Variants in TRAPPC9 observed in about 807,000 individuals in gnomAD.
The protein encoded by TRAPPC9 is trafficking protein particle complex subunit 9, also known as IKK2 binding protein.
A neutral mutation model predicts 124.0 loss-of-function variants in TRAPPC9; 83 were observed. That is an observed-to-expected ratio of 0.67 (90% confidence interval 0.56 to 0.80). The LOEUF is 0.80. TRAPPC9 is among the 30% of genes least tolerant of loss of function. TRAPPC9 has a pLI of 0.00. For missense variants in TRAPPC9, 1,302 were observed against 1,508.3 expected (o/e 0.86, Z 2.27); for synonymous variants, 638 against 617.5 (o/e 1.03, Z -0.49).
rs201224878 is a variant in TRAPPC9 at position 140,405,648 on chromosome 8, G to A, written c.937C>T (p.Arg313Cys). ...TCAGGGCTAAGGCAGTTCTTAGCAC[G>A]TCCGATCTCAGTACTGGTGTCAGGG... ...INPDTSTEIGRAKNCLSPEDI... is the reference protein window; with the variant it reads ...INPDTSTEIGCAKNCLSPEDI... Residue 313 changes from arginine to cysteine, a missense_variant, in exon 6 of 23, where the codon CGT becomes TGT. Physicochemically the swap from Arg to Cys is radical, Grantham distance 180. Transcript: ENST00000438773. The A allele has an allele frequency of 2.4e-5, 38 of 1,613,952 alleles. No individual in the cohort carries two copies. Among genetic ancestry groups the A allele is most frequent in the Admixed American group, 6.7e-5 (4 of 60,008 alleles).
chr8:139,767,970 C>A (rs919442956), intron 21 of TRAPPC9, among the ~76,000 whole-genome samples: 10 of 152,326 alleles, frequency 6.6e-5, no homozygotes, highest in African/African-American at 1.9e-4. Context: ...TATACAGACC[C>A]TTTGACTCAG....
intron 15 of TRAPPC9, among the ~76,000 whole-genome samples, chr8:140,271,306 A>G (rs1193832876): frequency 2.6e-5 from 4 of 152,228 alleles, no homozygotes; most frequent in Non-Finnish European, 1.5e-5. Flanking sequence ...AAGACTATAC[A>G]AAGTTTTTAA....
chr8:140,341,554 C>T lies in TRAPPC9; in HGVS notation c.1495+18496G>A, dbSNP rs111395158. The stretch of plus-strand genomic sequence containing the variant: ...TTTTGTTCTCTGGAATGGATAGCTT[C>T]AGTTTGCATCAAAGGCTGTTCTCCT... On this transcript the variant is annotated intron_variant, in intron 9 of 22. Coordinates refer to ENST00000438773, the MANE Select transcript of TRAPPC9 (RefSeq NM_001160372.4). Among the ~76,000 whole-genome samples, 231 of 152,268 alleles carry T rather than the reference C, an allele frequency of 1.5e-3. 1 individual carries two copies. The highest frequency in any genetic ancestry group is 5.4e-3 in the African/African-American group (223 of 41,550).
intron 15 of TRAPPC9, among the ~76,000 whole-genome samples, chr8:140,267,570 T>C (rs1454443064): frequency 6.6e-6 from 1 of 152,146 alleles, no homozygotes; most frequent in Non-Finnish European, 1.5e-5. Flanking sequence ...TTACACTTGG[T>C]GTGATTATTT....
At chr8:140,300,099 T>A (rs1330265862) in intron 11 of TRAPPC9, among the ~76,000 whole-genome samples, 2 of 152,216 alleles carry the variant, frequency 1.3e-5, no homozygotes, top group African/African-American at 4.8e-5. Flanking sequence ...ATAAATTTTT[T>A]AAAATCACAT....
intron 16 of TRAPPC9, among the ~76,000 whole-genome samples, chr8:140,231,486 T>C (rs1484830141): frequency 1.8e-5 from 2 of 114,048 alleles, no homozygotes; most frequent in African/African-American, 3.3e-5. Context: ...CTTTTCTTTT[T>C]TTTTTTTTTT....
intron 9 of TRAPPC9, among the ~76,000 whole-genome samples, chr8:140,356,965 A>G (rs960985201): frequency 6.6e-6 from 1 of 152,130 alleles, no homozygotes; most frequent in Non-Finnish European, 1.5e-5. Flanking sequence ...ACTTCCCCAT[A>G]AGCAATCACG....
At chr8:140,289,893 G>T (rs1030389068) in intron 12 of TRAPPC9, among the ~76,000 whole-genome samples, 1 of 152,196 alleles carries the variant, frequency 6.6e-6, no homozygotes, top group Admixed American at 6.5e-5. Flanking sequence ...TGAACATCCA[G>T]CTGAGCTTCC....
chr8:140,284,048 T>C, intron 13 of TRAPPC9, 27 bp from the exon 14 acceptor site: 1 of 1,613,566 alleles, frequency 6.2e-7, no homozygotes, highest in Non-Finnish European at 8.5e-7. Flanking sequence ...ACTTCTTCAC[T>C]CCACTGGCAA....
At chr8:140,213,793 T>G (rs1411578571) in intron 17 of TRAPPC9, among the ~76,000 whole-genome samples, 3 of 152,218 alleles carry the variant, frequency 2.0e-5, no homozygotes, top group Non-Finnish European at 4.4e-5. Flanking sequence ...CAAACTAGTT[T>G]CGTTAGGATT....
At chr8:139,943,878 G>A (rs1470119643) in intron 19 of TRAPPC9, among the ~76,000 whole-genome samples, 1 of 152,036 alleles carries the variant, frequency 6.6e-6, no homozygotes, top group Non-Finnish European at 1.5e-5. Flanking sequence ...AATGAAACAT[G>A]AGCAGCTAGG....
intron 19 of TRAPPC9, among the ~76,000 whole-genome samples, chr8:139,927,221 A>G (rs185380017): frequency 6.6e-6 from 1 of 151,964 alleles, no homozygotes; most frequent in East Asian, 1.9e-4. Context: ...TGATGGGAGC[A>G]TGCAAGGGAA....
intron 11 of TRAPPC9, among the ~76,000 whole-genome samples, chr8:140,298,045 C>T (rs2065863290): frequency 6.6e-6 from 1 of 152,148 alleles, no homozygotes; most frequent in Admixed American, 6.6e-5. Context: ...AAGTTTGTTT[C>T]CTCATCTGTA....
At chr8:140,237,837 A>T (rs530752466) in intron 16 of TRAPPC9, among the ~76,000 whole-genome samples, 1 of 152,264 alleles carries the variant, frequency 6.6e-6, no homozygotes, top group East Asian at 1.9e-4. Context: ...AAGGGGACAA[A>T]ATTAGCAGCC....
At chr8:139,819,041 G>A (rs1030643638) in intron 21 of TRAPPC9, among the ~76,000 whole-genome samples, 1 of 152,166 alleles carries the variant, frequency 6.6e-6, no homozygotes, top group Non-Finnish European at 1.5e-5. Flanking sequence ...GGAGGTGAGC[G>A]GCGGGTGAAG....
chr8:139,958,177 G>A (rs1277338627), intron 19 of TRAPPC9, among the ~76,000 whole-genome samples: 1 of 152,216 alleles, frequency 6.6e-6, no homozygotes, highest in Non-Finnish European at 1.5e-5. Context: ...AGGAGGGAAG[G>A]AAAGTGGCCG....
intron 17 of TRAPPC9, among the ~76,000 whole-genome samples, chr8:140,101,607 A>G (rs754523459): frequency 4.3e-5 from 6 of 138,542 alleles, no homozygotes; most frequent in African/African-American, 8.3e-5. Flanking sequence ...CAATGGTGCA[A>G]TCTCGGCTCA....
chr8:140,274,281 C>T (rs2065048562), intron 15 of TRAPPC9, among the ~76,000 whole-genome samples: 1 of 152,100 alleles, frequency 6.6e-6, no homozygotes. Context: ...TGAGTGTGCA[C>T]CAACAAGCTA....
intron 17 of TRAPPC9, among the ~76,000 whole-genome samples, chr8:140,187,355 C>A (rs866473462): frequency 6.6e-6 from 1 of 152,170 alleles, no homozygotes; most frequent in African/African-American, 2.4e-5. Context: ...GGCTGAGCAT[C>A]CCAACTCGGA....
Sources: gnomAD v4.1 joint callset for allele counts (sites outside exome capture counted in the v4.1 genomes callset) on GRCh38, gnomAD v4.1.1 for gene constraint, MANE v1.5 for transcripts, NCBI Gene and HGNC (gene_info 2026-07-23, HGNC 2026-07-21) for gene names.